RNF4: variants seen among roughly 807,000 people sequenced by gnomAD.
RNF4 encodes ring finger protein 4, also known as E3 ubiquitin-protein ligase RNF4.
RNF4 carries 7 observed loss-of-function variants against 24.3 expected under a neutral mutation model. That is an observed-to-expected ratio of 0.29 (90% CI 0.16 to 0.54). The LOEUF is 0.54. Among genes scored for constraint, RNF4 ranks in the 20% least tolerant of loss-of-function variants. RNF4 has a pLI of 0.95. For synonymous variants in RNF4, 83 were observed against 84.3 expected, an observed-to-expected ratio of 0.98 and a Z score of 0.09; for missense variants, 209 against 248.5, an observed-to-expected ratio of 0.84 and a Z score of 1.07.
intron 1 of RNF4, among the ~76,000 whole-genome samples, chr4:2,477,644 G>A (rs1310766262): frequency 1.3e-5 from 2 of 152,104 alleles, no homozygotes; most frequent in Non-Finnish European, 2.9e-5. Flanking sequence ...AGCTCTCTTT[G>A]CCTGCTGCCA....
intron 1 of RNF4, among the ~76,000 whole-genome samples, chr4:2,489,427 T>C (rs1351286207): frequency 3.3e-5 from 5 of 152,090 alleles, no homozygotes; most frequent in Admixed American, 6.5e-5. Flanking sequence ...TGTGTCTGTT[T>C]TGCAACTCCA....
intron 1 of RNF4, chr4:2,480,413 C>T (rs955473730): frequency 2.0e-5 from 3 of 151,808 alleles, no homozygotes; most frequent in Non-Finnish European, 1.5e-5. Context: ...GCAGGGATTA[C>T]AGATGCCCAC....
intron 2 of RNF4, among the ~76,000 whole-genome samples, chr4:2,493,539 C>T (rs1056486213): frequency 2.6e-5 from 4 of 151,724 alleles, no homozygotes; most frequent in Admixed American, 1.3e-4. Flanking sequence ...GTCAGGAGTT[C>T]GAGACCAGCC....
intron 1 of RNF4, among the ~76,000 whole-genome samples, chr4:2,473,006 C>G: frequency 6.6e-6 from 1 of 151,666 alleles, no homozygotes; most frequent in Non-Finnish European, 1.5e-5. Flanking sequence ...CACCACTGCA[C>G]TCCAGCCTGG....
At chr4:2,491,734 G>A (rs1285715353) in intron 2 of RNF4, among the ~76,000 whole-genome samples, 3 of 151,354 alleles carry the variant, frequency 2.0e-5, no homozygotes, top group Non-Finnish European at 4.4e-5. Context: ...GCACCCAGCC[G>A]TTTTTATTTG....
chr4:2,470,491 CA>C (rs1734869304), intron 1 of RNF4, among the ~76,000 whole-genome samples: 1 of 152,166 alleles, frequency 6.6e-6, no homozygotes, highest in South Asian at 2.1e-4. Flanking sequence ...TTTGAGCTTC[CA>C]AAAATCTTAC....
intron 1 of RNF4, among the ~76,000 whole-genome samples, chr4:2,474,212 A>G (rs571124891): frequency 2.7e-3 from 110 of 41,172 alleles, no homozygotes; most frequent in Admixed American, 0.019. Flanking sequence ...CGTCTCTACT[A>G]AAAACACACA....
At chr4:2,470,363 T>G (rs559967423) in intron 1 of RNF4, among the ~76,000 whole-genome samples, 17 of 152,366 alleles carry the variant, frequency 1.1e-4, no homozygotes, top group African/African-American at 4.1e-4. Context: ...TGTTACTTTC[T>G]TGGTGATTTG....
chr4:2,511,146 A>G (rs977109009), intron 4 of RNF4, among the ~76,000 whole-genome samples: 4 of 152,218 alleles, frequency 2.6e-5, no homozygotes, highest in Non-Finnish European at 5.9e-5. Flanking sequence ...AACCCTCACA[A>G]CAGCACAGTC....
chr4:2,476,429 C>T (rs1560399215), intron 1 of RNF4, among the ~76,000 whole-genome samples: 4 of 152,190 alleles, frequency 2.6e-5, no homozygotes, highest in Admixed American at 6.5e-5. Context: ...GAGTCTTGCT[C>T]TGTCACCCAG....
chr4:2,507,474 G>C (rs938641492), intron 4 of RNF4, among the ~76,000 whole-genome samples: 20 of 152,230 alleles, frequency 1.3e-4, no homozygotes, highest in African/African-American at 4.6e-4. Flanking sequence ...TGTAGCTGTT[G>C]GACATTGAGT....
chr4:2,512,586 T>C lies in RNF4; in HGVS notation c.363T>C (p.Ala121=). The change falls in exon 6 of 8, where the codon GCT becomes GCC. Residue 121 remains alanine (A), a synonymous_variant. Transcript: ENST00000314289. This position sits in a 1 kb window ranked among gnomAD's most constrained non-coding sequence, Gnocchi z 4.1. ...CCAGAAACGCCAGGGATGAGGGCGC[T>C]ACAGGCCTCAGGTACCAACGTGCCC... ...HTPRNARDEG[A]TGLRPSGTVS... 6.2e-7 allele frequency: 1 copy of C among 1,613,748 alleles called. No homozygotes were observed. Among genetic ancestry groups the C allele is most frequent in the South Asian group, 1.1e-5 (1 of 91,070 alleles).
chr4:2,501,612 A>G (rs1173397960), intron 4 of RNF4, among the ~76,000 whole-genome samples: 1 of 152,228 alleles, frequency 6.6e-6, no homozygotes, highest in Admixed American at 6.5e-5. Flanking sequence ...TCTTAAGGGC[A>G]AGTTTGCCTC....
At chr4:2,507,887 C>T (rs1736148457) in intron 4 of RNF4, among the ~76,000 whole-genome samples, 1 of 151,708 alleles carries the variant, frequency 6.6e-6, no homozygotes, top group Non-Finnish European at 1.5e-5. Context: ...CAGGGTGTTG[C>T]TCTGTTGCCC....
At chr4:2,487,431 G>A (rs545166681) in intron 1 of RNF4, among the ~76,000 whole-genome samples, 81 of 152,164 alleles carry the variant, frequency 5.3e-4, no homozygotes, top group South Asian at 1.0e-3. Flanking sequence ...GATTATAGGC[G>A]CACACCACCA....
intron 3 of RNF4, chr4:2,497,351 C>G (rs554740381): frequency 1.4e-4 from 47 of 347,506 alleles, no homozygotes; most frequent in African/African-American, 8.8e-4. Flanking sequence ...AAAAAAAAAT[C>G]TAGCGCAAAT....
intron 4 of RNF4, chr4:2,505,627 G>C (rs1001120821): frequency 2.0e-5 from 3 of 150,620 alleles, no homozygotes; most frequent in African/African-American, 7.3e-5. Flanking sequence ...GCCCGGCCTT[G>C]GGTCATGATT....
At chr4:2,472,770 G>A (rs770368938) in intron 1 of RNF4, among the ~76,000 whole-genome samples, 29 of 152,152 alleles carry the variant, frequency 1.9e-4, no homozygotes, top group Non-Finnish European at 1.5e-4. Context: ...CTCCAGGCAC[G>A]GTGGCTCACC....
Position 2,506,356 on chromosome 4 carries a change from G to A in RNF4, c.205-5600G>A, listed in dbSNP as rs193005150. The A allele has an allele frequency of 2.0e-5, 3 of 151,772 alleles. No individual in the cohort carries two copies. In the East Asian group the frequency reaches 5.9e-4, roughly 30 times the overall value. 9.4% of individuals were successfully genotyped at this position (151,772 alleles called of 1,614,324 possible). The stretch of plus-strand genomic sequence containing the variant: ...ACACCACCACGGCCAGCTAATTTTT[G>A]TATTTTTAGGAGAGACGGTTTTGCC... On this transcript the variant is annotated intron_variant, in intron 4 of 7. Transcript: ENST00000314289.
Sources: allele counts gnomAD v4.1 joint callset (sites outside exome capture counted in the v4.1 genomes callset), GRCh38; gene constraint gnomAD v4.1.1; non-coding constraint Gnocchi (gnomAD v3.1); transcripts MANE v1.5; gene names NCBI Gene and HGNC (gene_info 2026-07-23, HGNC 2026-07-21).